Variants in TXLNG observed in about 807,000 individuals in gnomAD.
TXLNG encodes the protein gamma-taxilin.
Under a neutral mutation model 38.8 loss-of-function variants are expected in TXLNG, and 5 were observed. That is an observed-to-expected ratio of 0.13 (90% CI 0.07 to 0.27). The LOEUF is 0.27. Among genes scored for constraint, TXLNG ranks in the 10% least tolerant of loss-of-function variants. The pLI is 1.00. For synonymous variants in TXLNG, 182 were observed against 158.2 expected, an observed-to-expected ratio of 1.15 and a Z score of -1.13; for missense variants, 393 against 398.2, an observed-to-expected ratio of 0.99 and a Z score of 0.11.
Position 16,818,871 on chromosome X carries a change from A to G in TXLNG, c.400A>G (p.Thr134Ala). The change falls in exon 2 of 10, where the codon ACT (threonine) becomes GCT (alanine). Residue 134 changes from threonine to alanine, a missense_variant. Physicochemically the swap from Thr to Ala is moderately conservative, Grantham distance 58 (BLOSUM62 0). Transcript: ENST00000380122. ...DSECNRNKEKTLGKEVLLLMQ... is the reference protein window; with the variant it reads ...DSECNRNKEKALGKEVLLLMQ... ...AGAGTGCAACAGGAACAAAGAAAAA[A>G]CTTTAGGTAATAATCCGTTCAGTGG... The G allele has an allele frequency of 2.5e-6, 3 of 1,198,737 alleles. No individual in the cohort carries two copies. Among genetic ancestry groups the G allele is most frequent in the Non-Finnish European group, 3.4e-6 (3 of 889,417 alleles).
chrX:16,808,684 G>A lies in TXLNG; in HGVS notation c.103-9890G>A, dbSNP rs144200246. 5.0e-3 allele frequency among the ~76,000 whole-genome samples: 555 copies of A among 111,167 alleles called. 5 individuals carry two copies. The highest frequency in any genetic ancestry group is 0.017 in the African/African-American group (508 of 30,623). ...GTATTTTGCTTTTTCCCTTATTAACGTGTCCTTACCAGTAATTATATAACC... is the reference window on the plus strand; with the variant it reads ...GTATTTTGCTTTTTCCCTTATTAACATGTCCTTACCAGTAATTATATAACC... On this transcript the variant is annotated intron_variant, in intron 1 of 9. Transcript: ENST00000380122.
intron 3 of TXLNG, among the ~76,000 whole-genome samples, chrX:16,826,102 C>A (rs3788872): frequency 0.016 from 1,727 of 110,982 alleles, 76 homozygotes; most frequent in East Asian, 0.13. Flanking sequence ...GAAAGGAAAG[C>A]GAAGGAATAA....
rs769537534 is a variant in TXLNG, at chrX:16,844,332, A to ATCT, written c.*2570_*2572dup. The ATCT allele has an allele frequency of 7.1e-4, 80 of 112,428 alleles. No homozygotes were observed. The highest frequency in any genetic ancestry group is 2.4e-3 in the African/African-American group (73 of 30,998). 9.3% of individuals were successfully genotyped at this position (112,428 alleles called of 1,213,427 possible). A position where few individuals can be genotyped will look rare whatever the true frequency, so the allele number is the denominator to read the frequency against. On this transcript the variant is annotated 3_prime_UTR_variant, in exon 10 of 10. Coordinates refer to ENST00000380122, the MANE Select transcript of TXLNG (RefSeq NM_018360.3). ...TAACTGTGAAAAAAATGATGCAGAT[A>ATCT]TCTTCTAGTTTGTGCTAAACACACT...
At chrX:16,797,988 C>T (rs1239296537) in intron 1 of TXLNG, among the ~76,000 whole-genome samples, 1 of 112,430 alleles carries the variant, frequency 8.9e-6, no homozygotes, top group African/African-American at 3.2e-5. Context: ...CCCTTTCAGC[C>T]TAAGTATATG....
chrX:16,836,244 AGAGT>A (rs1929588955), intron 7 of TXLNG, among the ~76,000 whole-genome samples: 1 of 112,159 alleles, frequency 8.9e-6, no homozygotes, highest in South Asian at 3.7e-4. Flanking sequence ...CCTGAGCGAC[AGAGT>A]GAGACCCTAA....
At chrX:16,821,444 G>C (rs1271296327) in intron 3 of TXLNG, among the ~76,000 whole-genome samples, 4 of 111,899 alleles carry the variant, frequency 3.6e-5, no homozygotes. Flanking sequence ...TGGCCCGTGA[G>C]GGCAGTTTCA....
At chrX:16,824,942 T>C (rs1220974516) in intron 3 of TXLNG, among the ~76,000 whole-genome samples, 3 of 105,365 alleles carry the variant, frequency 2.8e-5, no homozygotes, top group African/African-American at 1.0e-4. Context: ...AAAAAAAAAG[T>C]GAGACGACAT....
intron 1 of TXLNG, among the ~76,000 whole-genome samples, chrX:16,798,228 T>G (rs1407531468): frequency 8.9e-6 from 1 of 112,586 alleles, no homozygotes; most frequent in African/African-American, 3.2e-5. Context: ...GTATACTATA[T>G]AAAAATTACA....
At chrX:16,839,678 T>TAG (rs1009385012) in intron 8 of TXLNG, 143 bp from the exon 9 acceptor site, 2 of 392,956 alleles carry the variant, frequency 5.1e-6, no homozygotes, top group African/African-American at 5.2e-5. Flanking sequence ...GCTACTTCTA[T>TAG]AAAGACACAC....
At chrX:16,802,363 G>C (rs765226362) in intron 1 of TXLNG, among the ~76,000 whole-genome samples, 1 of 105,418 alleles carries the variant, frequency 9.5e-6, no homozygotes, top group African/African-American at 3.5e-5. Flanking sequence ...CAATTCTCCT[G>C]ACTGAGCCTC....
chrX:16,831,781 C>T (rs764104432), intron 5 of TXLNG, among the ~76,000 whole-genome samples: 1 of 111,699 alleles, frequency 9.0e-6, no homozygotes, highest in South Asian at 3.7e-4. Context: ...ATATAATGAT[C>T]AAATTACTTG....
At chrX:16,828,296 G>T in intron 4 of TXLNG, 32 bp downstream of exon 4, 7 of 1,158,977 alleles carry the variant, frequency 6.0e-6, no homozygotes, top group Non-Finnish European at 8.1e-6. Flanking sequence ...TTTTTTTCAG[G>T]AGGGACTTAT....
intron 4 of TXLNG, among the ~76,000 whole-genome samples, chrX:16,829,296 G>GGTC (rs1929288315): frequency 8.9e-6 from 1 of 111,865 alleles, no homozygotes; most frequent in African/African-American, 3.3e-5. Flanking sequence ...CTAAGATGAT[G>GGTC]GCCTGTGTAA....
chrX:16,820,494 T>G (rs900367633), intron 3 of TXLNG, among the ~76,000 whole-genome samples: 16 of 111,969 alleles, frequency 1.4e-4, no homozygotes, highest in Admixed American at 8.5e-4. Flanking sequence ...TTTCTAAAAC[T>G]CAGTTTTAGA....
chrX:16,840,985 A>G (rs934322338), intron 9 of TXLNG, among the ~76,000 whole-genome samples: 2 of 111,313 alleles, frequency 1.8e-5, no homozygotes, highest in Admixed American at 1.9e-4. Flanking sequence ...TCACGAGGTC[A>G]GGAAATCAAG....
chrX:16,830,829 C>CCGTGTGTGTGTG, intron 5 of TXLNG, among the ~76,000 whole-genome samples: 3 of 29,116 alleles, frequency 1.0e-4, no homozygotes, highest in African/African-American at 2.3e-4. Flanking sequence ...AACCGTAATT[C>CCGTGTGTGTGTG]CGTGTGTGTG....
intron 1 of TXLNG, among the ~76,000 whole-genome samples, chrX:16,804,430 G>T (rs1413156510): frequency 1.8e-5 from 2 of 111,121 alleles, no homozygotes; most frequent in Non-Finnish European, 3.8e-5. Context: ...GGGTGAAAAT[G>T]CATGTGAGTT....
chrX:16,806,445 A>G (rs889111818), intron 1 of TXLNG, among the ~76,000 whole-genome samples: 1 of 112,258 alleles, frequency 8.9e-6, no homozygotes, highest in African/African-American at 3.2e-5. Context: ...ATTAGAAACA[A>G]AGGGTTGGAA....
At chrX:16,793,026 G>A (rs1159121751) in intron 1 of TXLNG, among the ~76,000 whole-genome samples, 2 of 109,104 alleles carry the variant, frequency 1.8e-5, no homozygotes, top group African/African-American at 6.7e-5. Context: ...GAACTTGGGA[G>A]GCGGATGTTG....
Sources: gnomAD v4.1 joint callset for allele counts (sites outside exome capture counted in the v4.1 genomes callset) on GRCh38, gnomAD v4.1.1 for gene constraint, MANE v1.5 for transcripts, NCBI Gene and HGNC (gene_info 2026-07-23, HGNC 2026-07-21) for gene names.